The following LMAN1 variants were observed in gnomAD, a reference collection of about 807,000 sequenced individuals.
LMAN1 encodes the protein protein ERGIC-53.
LMAN1 carries 32 observed loss-of-function variants against 67.8 expected under a neutral mutation model. The observed-to-expected ratio is 0.47, with a 90% confidence interval of 0.36 to 0.63. The LOEUF (loss-of-function observed/expected upper bound fraction) is 0.63, where lower values mean the gene tolerates loss of function less well. Ranked by LOEUF, LMAN1 falls within the 30% of genes least tolerant of loss-of-function variation. LMAN1 has a pLI of 0.00. For synonymous variants in LMAN1, 235 were observed against 219.3 expected (o/e 1.07, Z -0.63); for missense variants, 632 against 628.2 (o/e 1.01, Z -0.06).
Position 59,338,885 on chromosome 18 carries a change from G to T in LMAN1, c.1024C>A (p.His342Asn). ...CGGTTCAGCTGCTTGATTTCAAGAT[G>T]AATACGATTCTGTCCTTCAAAGACT... The part of the protein sequence containing the change: ...RQVFEGQNRI[H>N]LEIKQLNRQL... The change falls in exon 9 of 13, where the codon CAT becomes AAT. Residue 342 changes from histidine to asparagine, a missense_variant. By Grantham distance (68) the His-to-Asn change is moderately conservative. Coordinates refer to ENST00000251047, the MANE Select transcript of LMAN1 (RefSeq NM_005570.4). 6.2e-7 allele frequency: 1 copy of T among 1,613,540 alleles called. No homozygotes were observed.
intron 10 of LMAN1, 37 bp from the exon 11 acceptor site, chr18:59,333,281 A>C: frequency 6.3e-7 from 1 of 1,582,254 alleles, no homozygotes; most frequent in Non-Finnish European, 8.6e-7. Context: ...TAAAATCACT[A>C]TAAAGTTTTT....
Position 59,347,169 on chromosome 18 carries a change from C to T in LMAN1, c.822+344G>A, listed in dbSNP as rs955261215. On this transcript the variant is annotated intron_variant, in intron 7 of 12. Coordinates refer to ENST00000251047, the MANE Select transcript of LMAN1 (RefSeq NM_005570.4). ...GTGCAGTGTCTTGATCTCAGCTTAC[C>T]GCAACCTCTCGCTCCCAGGTTCAAG... Among the ~76,000 whole-genome samples the T allele has an allele frequency of 1.1e-4, 16 of 150,344 alleles. No individual in the cohort carries two copies. In the South Asian group the frequency reaches 1.3e-3, roughly 12 times the overall value.
Position 59,328,709 on chromosome 18 carries a change from C to T in LMAN1, c.*2384G>A, listed in dbSNP as rs527848336. On this transcript the variant is annotated 3_prime_UTR_variant, in exon 13 of 13. Transcript: ENST00000251047. ...GGTTGTCTGAAACCAGGCGCCATGA[C>T]CCAGATGGTCCATGGATCATACTTT... The T allele has an allele frequency of 2.8e-4, 42 of 152,220 alleles. No homozygotes were observed. The highest frequency in any genetic ancestry group is 9.9e-4 in the African/African-American group (41 of 41,544). 9.4% of individuals were successfully genotyped at this position (152,220 alleles called of 1,614,324 possible). A position where few individuals can be genotyped will look rare whatever the true frequency, so the allele number is the denominator to read the frequency against.
chr18:59,330,720 T>C lies in LMAN1; in HGVS notation c.*373A>G. The C allele has an allele frequency of 5.4e-6, 1 of 184,584 alleles. No individual in the cohort carries two copies. Among genetic ancestry groups the C allele is most frequent in the Non-Finnish European group, 1.1e-5 (1 of 88,878 alleles). The allele number at this position is 184,584 out of a possible 1,614,324, so 11.4% of individuals were successfully genotyped here. A position where few individuals can be genotyped will look rare whatever the true frequency, so the allele number is the denominator to read the frequency against. On this transcript the variant is annotated 3_prime_UTR_variant, in exon 13 of 13. Transcript: ENST00000251047. ...TGGGACTTCTTAATTAGACCTCATA[T>C]TCTGGGAGGCATGAGGGCAAGTGTG... is the stretch of plus-strand genomic sequence containing the variant.
intron 11 of LMAN1, among the ~76,000 whole-genome samples, chr18:59,332,801 C>A (rs2070755594): frequency 6.6e-6 from 1 of 152,086 alleles, no homozygotes; most frequent in Admixed American, 6.6e-5. Flanking sequence ...ACACTTTAAG[C>A]AATCCATGGG....
intron 1 of LMAN1, among the ~76,000 whole-genome samples, chr18:59,356,409 C>T (rs1603396286): frequency 1.3e-5 from 2 of 152,152 alleles, no homozygotes; most frequent in Admixed American, 6.5e-5. Flanking sequence ...ATTTAAGTGC[C>T]TACACAAGTA....
In LMAN1 at chr18:59,356,424, T is replaced by C. The variant is rs558317510; in HGVS notation, c.215-766A>G. Among the ~76,000 whole-genome samples, 26 of 152,346 alleles carry C rather than the reference T, an allele frequency of 1.7e-4. No individual in the cohort carries two copies. The South Asian group carries it at 5.4e-3, about 32-fold the overall frequency. On this transcript the variant is annotated intron_variant, in intron 1 of 12. Coordinates refer to ENST00000251047, the MANE Select transcript of LMAN1 (RefSeq NM_005570.4). ...ATTTAAGTGCCTACACAAGTAGCTT[T>C]AAATGTTTCAATAAATGTTAGCTAT... is the stretch of plus-strand genomic sequence containing the variant.
intron 1 of LMAN1, among the ~76,000 whole-genome samples, chr18:59,358,124 TAGTC>T (rs1048134544): frequency 3.1e-4 from 47 of 152,328 alleles, no homozygotes; most frequent in African/African-American, 9.4e-4. Flanking sequence ...ATTGACTCCT[TAGTC>T]AGCAGTGACA....
At chr18:59,341,558 T>G (rs1908286535) in intron 8 of LMAN1, among the ~76,000 whole-genome samples, 1 of 152,046 alleles carries the variant, frequency 6.6e-6, no homozygotes, top group Non-Finnish European at 1.5e-5. Flanking sequence ...CTTAAGAAAC[T>G]AAACAAACAC....
At chr18:59,349,266 T>G (rs2144226696) in intron 5 of LMAN1, 30 bp from the exon 6 acceptor site, 1 of 1,593,582 alleles carries the variant, frequency 6.3e-7, no homozygotes, top group Non-Finnish European at 8.6e-7. Context: ...CTATAGCTTT[T>G]GCAAAAGACA....
chr18:59,355,396 C>T lies in LMAN1; in HGVS notation c.394G>A (p.Gly132Ser), dbSNP rs781656336. ...GLAIWYAENQ[G>S]LEGPVFGSAD... ...GATCCAAACACAGGGCCCTCCAAGC[C>T]TTGATTTTCTGCATACCAAATTGCC... Residue 132 changes from glycine (G) to serine (S), a missense_variant, in exon 3 of 13, where the codon GGC (glycine) becomes AGC (serine). Physicochemically the swap from Gly to Ser is moderately conservative, Grantham distance 56 (BLOSUM62 0). Transcript: ENST00000251047. The T allele has an allele frequency of 6.2e-7, 1 of 1,614,064 alleles. No homozygotes were observed. The highest frequency in any genetic ancestry group is 1.1e-5 in the South Asian group (1 of 91,068).
intron 12 of LMAN1, 62 bp from the exon 13 acceptor site, chr18:59,331,191 A>G: frequency 1.4e-5 from 19 of 1,388,686 alleles, no homozygotes; most frequent in Non-Finnish European, 1.9e-5. Flanking sequence ...GGAAAGAAAC[A>G]GGACTATTTA....
rs143666897 is a variant in LMAN1, at chr18:59,350,222, A to G, written c.640-986T>C. ...TTAAAATAATTAATTTTAAAAGATC[A>G]TTTAGCATTTGGTTCATATTAATAT... is the stretch of plus-strand genomic sequence containing the variant. On this transcript the variant is annotated intron_variant, in intron 5 of 12. Transcript: ENST00000251047. Among the ~76,000 whole-genome samples the G allele has an allele frequency of 4.3e-3, 650 of 152,340 alleles. 37 individuals are homozygous for G. The East Asian group carries it at 0.1, about 23-fold the overall frequency.
intron 5 of LMAN1, among the ~76,000 whole-genome samples, chr18:59,350,433 T>C (rs544785813): frequency 2.0e-5 from 3 of 152,300 alleles, no homozygotes; most frequent in Non-Finnish European, 2.9e-5. Flanking sequence ...ATTTTTTTCC[T>C]TGAATTCTAA....
intron 5 of LMAN1, among the ~76,000 whole-genome samples, chr18:59,352,152 C>T (rs1908557936): frequency 6.6e-6 from 1 of 152,136 alleles, no homozygotes; most frequent in Admixed American, 6.5e-5. Flanking sequence ...ATATCTCCAC[C>T]TATATGTTAT....
At chr18:59,343,601 T>G (rs934116047) in intron 8 of LMAN1, among the ~76,000 whole-genome samples, 7 of 152,012 alleles carry the variant, frequency 4.6e-5, no homozygotes, top group Non-Finnish European at 8.8e-5. Flanking sequence ...TAGCTATATA[T>G]AGAAGAATGC....
chr18:59,328,913 C>T lies in LMAN1; in HGVS notation c.*2180G>A, dbSNP rs997327553. ...TTCCTTTTAAAAGTGGCATCATAGA[C>T]ACAATGACTTACATAAAAATTTTAA... On this transcript the variant is annotated 3_prime_UTR_variant, in exon 13 of 13. Transcript: ENST00000251047. The T allele has an allele frequency of 6.6e-6, 1 of 152,136 alleles. No homozygotes were observed. Among genetic ancestry groups the T allele is most frequent in the Non-Finnish European group, 1.5e-5 (1 of 68,022 alleles). The allele number at this position is 152,136 out of a possible 1,614,324, so 9.4% of individuals were successfully genotyped here. A position where few individuals can be genotyped will look rare whatever the true frequency, so the allele number is the denominator to read the frequency against.
At position 59,330,270 on chromosome 18, in the gene LMAN1, A is replaced by C. The variant is rs2070739398; in HGVS notation, c.*823T>G. 6.6e-6 allele frequency: 1 copy of C among 152,632 alleles called. No individual in the cohort carries two copies. Among genetic ancestry groups the C allele is most frequent in the Non-Finnish European group, 1.5e-5 (1 of 68,028 alleles). The allele number at this position is 152,632 out of a possible 1,614,324, so 9.5% of individuals were successfully genotyped here. A position where few individuals can be genotyped will look rare whatever the true frequency, so the allele number is the denominator to read the frequency against. The stretch of plus-strand genomic sequence containing the variant: ...GAGCTGAATTTACATGCTGTAGTAA[A>C]GGGAGAAATAAATTCCTTAAGTTAC... On this transcript the variant is annotated 3_prime_UTR_variant, in exon 13 of 13. Transcript: ENST00000251047.
intron 10 of LMAN1, 175 bp from the exon 11 acceptor site, chr18:59,333,419 A>G (rs1568112205): frequency 1.0e-5 from 6 of 578,816 alleles, no homozygotes; most frequent in Non-Finnish European, 1.8e-5. Flanking sequence ...TAATTTATAA[A>G]ACGACATTAT....
Sources: allele counts gnomAD v4.1 joint callset (sites outside exome capture counted in the v4.1 genomes callset), GRCh38; gene constraint gnomAD v4.1.1; transcripts MANE v1.5; gene names NCBI Gene and HGNC (gene_info 2026-07-23, HGNC 2026-07-21).